The following PDE11A variants were observed in gnomAD, a reference collection of about 807,000 sequenced individuals.
PDE11A encodes the protein phosphodiesterase 11A.
PDE11A carries 100 observed loss-of-function variants against 100.5 expected under a neutral mutation model. The ratio of observed to expected loss-of-function variants is 1.00; its 90% CI spans 0.85 to 1.18. PDE11A has a LOEUF of 1.18. Among genes scored for constraint, PDE11A ranks in the 50% most tolerant of loss-of-function variants. The pLI, the probability that PDE11A is intolerant of heterozygous loss-of-function variation, is 0.00. For missense variants in PDE11A, 1,141 were observed against 1,152.6 expected, an observed-to-expected ratio of 0.99 and a Z score of 0.15; for synonymous variants, 381 against 420.8, an observed-to-expected ratio of 0.91 and a Z score of 1.16.
chr2:177,892,369 C>T (rs946526889), intron 4 of PDE11A, among the ~76,000 whole-genome samples: 1 of 152,108 alleles, frequency 6.6e-6, no homozygotes, highest in Non-Finnish European at 1.5e-5. Flanking sequence ...CCCCATCTAT[C>T]TAATTGTTAT....
intron 2 of PDE11A, among the ~76,000 whole-genome samples, chr2:177,969,760 T>A (rs1335535581): frequency 6.6e-6 from 1 of 152,186 alleles, no homozygotes; most frequent in African/African-American, 2.4e-5. Context: ...CTACTTTGTA[T>A]CTCCTGGGGA....
At chr2:178,095,083 T>C (rs2087471163) in intron 2 of PDE11A, among the ~76,000 whole-genome samples, 1 of 152,096 alleles carries the variant, frequency 6.6e-6, no homozygotes, top group Non-Finnish European at 1.5e-5. Flanking sequence ...CATTTTTACG[T>C]TGCAAAACCA....
chr2:177,770,060 C>T (rs564424723), intron 9 of PDE11A, among the ~76,000 whole-genome samples: 50 of 152,242 alleles, frequency 3.3e-4, no homozygotes, highest in Non-Finnish European at 6.6e-4. Context: ...CTCACCTATT[C>T]TCATTTGCCT....
intron 13 of PDE11A, among the ~76,000 whole-genome samples, chr2:177,707,183 T>A (rs2081293080): frequency 6.6e-6 from 1 of 152,176 alleles, no homozygotes; most frequent in African/African-American, 2.4e-5. Context: ...TGGGCAAGTT[T>A]ACTTACCTTC....
rs1210670884 is a variant in PDE11A, at chr2:177,817,907, T to C, written c.1595A>G (p.Asn532Ser). 5.9e-6 allele frequency: 9 copies of C among 1,524,158 alleles called. No individual in the cohort carries two copies. The highest frequency in any genetic ancestry group is 8.2e-6 in the Non-Finnish European group (9 of 1,099,722). 94.4% of individuals were successfully genotyped at this position (1,524,158 alleles called of 1,614,324 possible). A position where few individuals can be genotyped will look rare whatever the true frequency, so the allele number is the denominator to read the frequency against. ...HQIIGVAQVL[N>S]RLDGKPFDDA... ...ATCAAAAGGTTTCCCATCAAGTCTG[T>C]TTAACACTTGAGCCACTCCTATGGG... is the stretch of plus-strand genomic sequence containing the variant. The change falls in exon 8 of 20, where the codon AAC (asparagine) becomes AGC (serine). Residue 532 changes from asparagine to serine, a missense_variant. By Grantham distance (46) the Asn-to-Ser change is conservative (BLOSUM62 1). Transcript: ENST00000286063.
intron 9 of PDE11A, among the ~76,000 whole-genome samples, chr2:177,775,331 C>T (rs1203170273): frequency 6.6e-6 from 1 of 152,202 alleles, no homozygotes; most frequent in Admixed American, 6.5e-5. Context: ...GTAAGTGCCA[C>T]TCCATCCAAT....
chr2:177,646,853 T>G (rs574743429), intron 19 of PDE11A, among the ~76,000 whole-genome samples: 1 of 152,302 alleles, frequency 6.6e-6, no homozygotes, highest in African/African-American at 2.4e-5. Flanking sequence ...GAGTTCTAAG[T>G]TGTAAAGGAC....
chr2:177,648,879 G>A (rs2080262789), intron 19 of PDE11A, among the ~76,000 whole-genome samples: 1 of 151,930 alleles, frequency 6.6e-6, no homozygotes, highest in Admixed American at 6.6e-5. Flanking sequence ...CAAATAATAA[G>A]GGTTTATTTC....
At chr2:177,714,015 A>T (rs2105429070) in intron 12 of PDE11A, among the ~76,000 whole-genome samples, 1 of 17,022 alleles carries the variant, frequency 5.9e-5, no homozygotes, top group African/African-American at 9.0e-5. Context: ...TTTTTTTGAG[A>T]CGGAGTCTCT....
At chr2:177,956,694 A>G (rs547616115) in intron 2 of PDE11A, among the ~76,000 whole-genome samples, 1 of 152,384 alleles carries the variant, frequency 6.6e-6, no homozygotes, top group East Asian at 1.9e-4. Flanking sequence ...GATTAAGAAA[A>G]TGTGGCACAT....
chr2:177,905,102 C>T lies in PDE11A; in HGVS notation c.1157G>A (p.Ser386Asn). 1 of 1,565,360 alleles carries T rather than the reference C, an allele frequency of 6.4e-7. No homozygotes were observed. The highest frequency in any genetic ancestry group is 8.8e-7 in the Non-Finnish European group (1 of 1,135,506). The change falls in exon 3 of 20, where the codon AGC becomes AAC. Residue 386 changes from serine (S) to asparagine (N), a missense_variant. Ser to Asn is a conservative substitution (Grantham distance 46, BLOSUM62 1). Coordinates refer to ENST00000286063, the MANE Select transcript of PDE11A (RefSeq NM_016953.4). ...FAASRKEYER[S>N]RALLEVVNDL... ...ACAATGTTTTTATTTACTCACTCTG[C>T]TTCTTTCATATTCTTTCCTTGAGGC...
At chr2:177,950,838 G>A (rs1198203937) in intron 2 of PDE11A, among the ~76,000 whole-genome samples, 4 of 152,198 alleles carry the variant, frequency 2.6e-5, no homozygotes, top group African/African-American at 9.6e-5. Context: ...ATGAACCCGG[G>A]AGGCGGAGCT....
At chr2:177,705,948 G>A (rs1446887991) in intron 13 of PDE11A, among the ~76,000 whole-genome samples, 1 of 152,098 alleles carries the variant, frequency 6.6e-6, no homozygotes, top group Admixed American at 6.5e-5. Context: ...TAATCATCAG[G>A]GGCAGCTGTA....
At chr2:177,810,404 T>C (rs1274067582) in intron 9 of PDE11A, among the ~76,000 whole-genome samples, 2 of 152,200 alleles carry the variant, frequency 1.3e-5, no homozygotes, top group Non-Finnish European at 1.5e-5. Flanking sequence ...TTACAATTAA[T>C]GACAATGTAG....
intron 15 of PDE11A, among the ~76,000 whole-genome samples, chr2:177,683,142 A>G (rs1024860718): frequency 1.3e-5 from 2 of 152,140 alleles, no homozygotes; most frequent in African/African-American, 4.8e-5. Context: ...TAACTACTAA[A>G]ATTACTTGAA....
chr2:178,046,036 T>C (rs949406505), intron 1 of PDE11A, among the ~76,000 whole-genome samples: 9 of 152,206 alleles, frequency 5.9e-5, no homozygotes, highest in Non-Finnish European at 1.0e-4. Context: ...TGTATAAACT[T>C]GGGAAAGTTA....
At chr2:177,926,706 T>A (rs1297796666) in intron 2 of PDE11A, among the ~76,000 whole-genome samples, 1 of 152,214 alleles carries the variant, frequency 6.6e-6, no homozygotes, top group Non-Finnish European at 1.5e-5. Context: ...AAGTCCAAAA[T>A]GTGGTACAGA....
chr2:177,913,966 G>T (rs976650116), intron 2 of PDE11A, among the ~76,000 whole-genome samples: 1 of 151,976 alleles, frequency 6.6e-6, no homozygotes, highest in African/African-American at 2.4e-5. Context: ...CTCCAAAAAG[G>T]CTCTACCAAT....
chr2:177,669,394 C>G (rs2105487175), intron 18 of PDE11A, 99 bp downstream of exon 18: 1 of 744,462 alleles, frequency 1.3e-6, no homozygotes, highest in South Asian at 1.4e-5. Flanking sequence ...TTCCTTAAAC[C>G]CATTTTCAGT....
Sources: allele counts gnomAD v4.1 joint callset (sites outside exome capture counted in the v4.1 genomes callset), GRCh38; gene constraint gnomAD v4.1.1; transcripts MANE v1.5; gene names NCBI Gene and HGNC (gene_info 2026-07-23, HGNC 2026-07-21).